The following HIVEP3 variants were observed in gnomAD, a reference collection of about 807,000 sequenced individuals.
The protein encoded by HIVEP3 is HIVEP zinc finger 3.
Under a neutral mutation model 152.8 loss-of-function variants are expected in HIVEP3, and 49 were observed. The ratio of observed to expected loss-of-function variants is 0.32; its 90% CI spans 0.26 to 0.41. The LOEUF is 0.41. Among genes scored for constraint, HIVEP3 ranks in the 10% least tolerant of loss-of-function variants. The probability of loss-of-function intolerance (pLI) is 1.00; values close to 1 mark genes in which losing one functional copy is unlikely to be tolerated. For missense variants in HIVEP3, 2,790 were observed against 3,103.3 expected, an observed-to-expected ratio of 0.90 and a Z score of 2.40; for synonymous variants, 1,269 against 1,289.0, an observed-to-expected ratio of 0.98 and a Z score of 0.33.
At chr1:41,560,825 A>G (rs1272916436) in intron 5 of HIVEP3, among the ~76,000 whole-genome samples, 1 of 152,014 alleles carries the variant, frequency 6.6e-6, no homozygotes, top group Non-Finnish European at 1.5e-5. Context: ...TCCTCACCTC[A>G]CCTGCAGGTG....
At position 41,716,092 on chromosome 1, in the gene HIVEP3, C is replaced by T. The variant is rs781561631; in HGVS notation, c.-800-15097G>A. Among the ~76,000 whole-genome samples, 4 of 152,284 alleles carry T rather than the reference C, an allele frequency of 2.6e-5. 1 individual carries two copies. Among genetic ancestry groups the T allele is most frequent in the East Asian group, 3.9e-4 (2 of 5,180 alleles). On this transcript the variant is annotated intron_variant, in intron 1 of 8. Coordinates refer to ENST00000372583, the MANE Select transcript of HIVEP3 (RefSeq NM_024503.5). ...CCATGTGGAGGAAAGCAGCAAAGGCCGGGCAGGGTGCAGGGAGCACAGGGA... is the reference window on the plus strand; with the variant it reads ...CCATGTGGAGGAAAGCAGCAAAGGCTGGGCAGGGTGCAGGGAGCACAGGGA...
intron 1 of HIVEP3, among the ~76,000 whole-genome samples, chr1:41,989,829 A>G (rs1645349015): frequency 6.7e-6 from 1 of 148,228 alleles, no homozygotes; most frequent in African/African-American, 2.5e-5. Flanking sequence ...TGCACGTGAG[A>G]TGGGTTTCCT....
In HIVEP3 at chr1:41,524,826, C is replaced by T. The variant is rs1642853967; in HGVS notation, c.5292G>A (p.Lys1764=). Residue 1764 remains lysine, a synonymous_variant, in exon 6 of 9, where the codon AAG becomes AAA. Transcript: ENST00000372583. ...YVCEECGIRC[K]KPSMLKKHIR... is the part of the protein sequence containing the mutation. ...TGTGTTTCTTCAGCATGCTGGGCTT[C>T]TTGCAGCGAATTCCACACTCCTCAC... 1 of 1,614,150 alleles carries T rather than the reference C, an allele frequency of 6.2e-7. No homozygotes were observed. The highest frequency in any genetic ancestry group is 1.3e-5 in the African/African-American group (1 of 75,064).
chr1:42,017,063 T>G (rs1645527221), intron 1 of HIVEP3, among the ~76,000 whole-genome samples: 1 of 152,162 alleles, frequency 6.6e-6, no homozygotes, highest in South Asian at 2.1e-4. Context: ...TTTTAATGTC[T>G]GATGGTCTGA....
chr1:41,753,306 A>G (rs540917106), intron 1 of HIVEP3, among the ~76,000 whole-genome samples: 11 of 152,172 alleles, frequency 7.2e-5, no homozygotes, highest in South Asian at 4.1e-4. Flanking sequence ...GGAAATAATC[A>G]TGACTGTGTA....
At chr1:41,586,098 C>A (rs1644501377) in intron 3 of HIVEP3, among the ~76,000 whole-genome samples, 1 of 152,216 alleles carries the variant, frequency 6.6e-6, no homozygotes, top group African/African-American at 2.4e-5. Flanking sequence ...CTGGAAGGTT[C>A]CTCTGGCTTT....
At chr1:41,915,630 C>A (rs1644859265) in intron 1 of HIVEP3, among the ~76,000 whole-genome samples, 1 of 152,214 alleles carries the variant, frequency 6.6e-6, no homozygotes, top group African/African-American at 2.4e-5. Context: ...TAGGTCCCAA[C>A]TGGATAAGTG....
chr1:41,861,233 A>T (rs1395938102), intron 1 of HIVEP3, among the ~76,000 whole-genome samples: 1 of 152,218 alleles, frequency 6.6e-6, no homozygotes, highest in South Asian at 2.1e-4. Flanking sequence ...AGCTTGCCCG[A>T]TAAGTCCACT....
intron 1 of HIVEP3, among the ~76,000 whole-genome samples, chr1:41,815,274 G>A (rs2124333692): frequency 1.3e-5 from 2 of 152,282 alleles, no homozygotes; most frequent in Admixed American, 1.3e-4. Flanking sequence ...AGGAGTTCAA[G>A]ACCTGCCTGG....
intron 1 of HIVEP3, among the ~76,000 whole-genome samples, chr1:42,011,742 A>G (rs1216095850): frequency 6.6e-6 from 1 of 152,044 alleles, no homozygotes; most frequent in East Asian, 1.9e-4. Flanking sequence ...TCTAATCTCA[A>G]CTACGAGCTC....
chr1:41,863,157 C>T (rs1374735221), intron 1 of HIVEP3, among the ~76,000 whole-genome samples: 2 of 152,204 alleles, frequency 1.3e-5, no homozygotes, highest in East Asian at 1.9e-4. Flanking sequence ...CACCCAGCAT[C>T]GACTGCTACC....
intron 3 of HIVEP3, among the ~76,000 whole-genome samples, chr1:41,625,869 A>T (rs1043242196): frequency 1.4e-4 from 21 of 152,256 alleles, no homozygotes; most frequent in African/African-American, 4.3e-4. Context: ...CTTAAAAAAT[A>T]ATGTATTCAT....
At chr1:41,828,242 A>T (rs1642859440) in intron 1 of HIVEP3, among the ~76,000 whole-genome samples, 1 of 152,152 alleles carries the variant, frequency 6.6e-6, no homozygotes, top group African/African-American at 2.4e-5. Context: ...TCCCTGCTGG[A>T]CAGCAGGACT....
intron 1 of HIVEP3, among the ~76,000 whole-genome samples, chr1:41,708,383 G>A (rs1447226886): frequency 6.6e-6 from 1 of 152,052 alleles, no homozygotes; most frequent in Non-Finnish European, 1.5e-5. Flanking sequence ...TTTCATTTGG[G>A]GAAATCAGCT....
intron 5 of HIVEP3, among the ~76,000 whole-genome samples, chr1:41,554,044 G>T (rs1199220644): frequency 6.6e-6 from 1 of 152,184 alleles, no homozygotes; most frequent in Non-Finnish European, 1.5e-5. Flanking sequence ...TGTTGGCCCT[G>T]CCTTGCTAGG....
intron 1 of HIVEP3, among the ~76,000 whole-genome samples, chr1:41,930,336 T>C (rs1019102714): frequency 6.6e-6 from 1 of 152,192 alleles, no homozygotes. Flanking sequence ...TCCATAAATG[T>C]AGTTTTGTCT....
rs981061081 is a variant in HIVEP3 at position 41,666,725 on chromosome 1, C to T, written c.-721+34191G>A. On this transcript the variant is annotated intron_variant, in intron 2 of 8. Coordinates refer to ENST00000372583, the MANE Select transcript of HIVEP3 (RefSeq NM_024503.5). ...GTTCCAACAGCCTTCTCCCTGGCAC[C>T]GTGCCCAGCTTACCCCTGCAATCCA... Among the ~76,000 whole-genome samples, 5 of 152,258 alleles carry T rather than the reference C, an allele frequency of 3.3e-5. No individual in the cohort carries two copies. The East Asian group carries it at 5.8e-4, about 18-fold the overall frequency.
chr1:41,664,250 C>T lies in HIVEP3; in HGVS notation c.-720-35303G>A, dbSNP rs1276319043. 3.9e-5 allele frequency among the ~76,000 whole-genome samples: 6 copies of T among 152,208 alleles called. No individual in the cohort carries two copies. The highest frequency in any genetic ancestry group is 7.3e-5 in the Non-Finnish European group (5 of 68,040). On this transcript the variant is annotated intron_variant, in intron 2 of 8. Coordinates refer to ENST00000372583, the MANE Select transcript of HIVEP3 (RefSeq NM_024503.5). This position sits in a 1 kb window ranked among gnomAD's most constrained non-coding sequence, Gnocchi z 4.4. ...GCCCTGCCCCCACTGTCCTGCTTCCCGTTTTCTGTCTGAAAGCAACTCCAG... is the reference window on the plus strand; with the variant it reads ...GCCCTGCCCCCACTGTCCTGCTTCCTGTTTTCTGTCTGAAAGCAACTCCAG...
At chr1:41,860,881 A>T (rs931206554) in intron 1 of HIVEP3, among the ~76,000 whole-genome samples, 2 of 152,344 alleles carry the variant, frequency 1.3e-5, no homozygotes, top group South Asian at 4.1e-4. Flanking sequence ...ACAAACCTGA[A>T]AGCAGCAGAG....
Sources: allele counts gnomAD v4.1 joint callset (sites outside exome capture counted in the v4.1 genomes callset), GRCh38; gene constraint gnomAD v4.1.1; non-coding constraint Gnocchi (gnomAD v3.1); transcripts MANE v1.5; gene names NCBI Gene and HGNC (gene_info 2026-07-23, HGNC 2026-07-21).